The following FSTL1 variants were observed in gnomAD, a reference collection of about 807,000 sequenced individuals.
The protein encoded by FSTL1 is follistatin-related protein 1.
FSTL1 carries 24 observed loss-of-function variants against 45.9 expected under a neutral mutation model. The observed-to-expected ratio is 0.52, with a 90% CI of 0.38 to 0.74. The LOEUF is 0.74. Ranked by LOEUF, FSTL1 falls within the 30% of genes least tolerant of loss-of-function variation. FSTL1 has a pLI of 0.00. For missense variants in FSTL1, 340 were observed against 381.8 expected, an observed-to-expected ratio of 0.89 and a Z score of 0.91; for synonymous variants, 120 against 137.6, an observed-to-expected ratio of 0.87 and a Z score of 0.89.
At chr3:120,397,934 A>G (rs1936735160) in intron 10 of FSTL1, among the ~76,000 whole-genome samples, 1 of 152,240 alleles carries the variant, frequency 6.6e-6, no homozygotes, top group Admixed American at 6.5e-5. Flanking sequence ...CATAAATAGG[A>G]AAGAAGTACT....
chr3:120,450,915 T>C lies in FSTL1; in HGVS notation c.-19A>G, dbSNP rs1937885530. ...CGCTCACCGTGGTCTGGTCCAGGTC[T>C]CCTGGGGGCGCGGGGCAGGACGGCG... On this transcript the variant is annotated 5_prime_UTR_variant, in exon 1 of 11. Coordinates refer to ENST00000295633, the MANE Select transcript of FSTL1 (RefSeq NM_007085.5). The C allele has an allele frequency of 2.0e-6, 1 of 500,122 alleles. No individual in the cohort carries two copies. The highest frequency in any genetic ancestry group is 3.5e-6 in the Non-Finnish European group (1 of 285,620). 31.0% of individuals were successfully genotyped at this position (500,122 alleles called of 1,614,324 possible).
intron 2 of FSTL1, among the ~76,000 whole-genome samples, chr3:120,420,834 T>C (rs369450758): frequency 1.3e-4 from 20 of 152,342 alleles, no homozygotes; most frequent in African/African-American, 3.4e-4. Context: ...AGTTGTAGAA[T>C]TGAGGCCTGG....
At chr3:120,449,177 G>C (rs1291704747) in intron 2 of FSTL1, among the ~76,000 whole-genome samples, 2 of 152,230 alleles carry the variant, frequency 1.3e-5, no homozygotes, top group Middle Eastern at 3.2e-3. Context: ...TTCAGATCCT[G>C]CTTCAGAGCT....
intron 2 of FSTL1, among the ~76,000 whole-genome samples, chr3:120,417,544 G>C (rs1311935569): frequency 6.6e-6 from 1 of 152,212 alleles, no homozygotes; most frequent in Non-Finnish European, 1.5e-5. Context: ...AGGCGGGGAA[G>C]AAAGAGGAAG....
chr3:120,413,524 G>C (rs1430149268), intron 3 of FSTL1, among the ~76,000 whole-genome samples: 2 of 152,090 alleles, frequency 1.3e-5, no homozygotes, highest in Non-Finnish European at 2.9e-5. Flanking sequence ...ATCCCCAGTA[G>C]GATCTGGCTT....
At position 120,411,874 on chromosome 3, in the gene FSTL1, T is replaced by A. The variant is rs1937060764; in HGVS notation, c.278A>T (p.Asp93Val). 1 of 1,614,142 alleles carries A rather than the reference T, an allele frequency of 6.2e-7. No individual in the cohort carries two copies. The highest frequency in any genetic ancestry group is 8.5e-7 in the Non-Finnish European group (1 of 1,179,946). ...ACLTGSKIQVDYDGHCKEKKS... is the reference protein window; with the variant it reads ...ACLTGSKIQVVYDGHCKEKKS... ...CTTACCTTTGCAGTGTCCATCGTAA[T>A]CAACCTGGATTTTGGATCCAGTGAG... The change falls in exon 4 of 11, where the codon GAT (aspartate) becomes GTT (valine). Residue 93 changes from aspartate to valine, a missense_variant. Asp to Val is a radical substitution (Grantham distance 152). Transcript: ENST00000295633.
At chr3:120,442,882 C>T (rs577807826) in intron 2 of FSTL1, among the ~76,000 whole-genome samples, 5 of 136,690 alleles carry the variant, frequency 3.7e-5, no homozygotes, top group African/African-American at 1.5e-4. Context: ...AACAGCAGAC[C>T]CCCAGAACGG....
chr3:120,430,778 G>C (rs1396074184), intron 2 of FSTL1, among the ~76,000 whole-genome samples: 4 of 152,188 alleles, frequency 2.6e-5, no homozygotes, highest in Admixed American at 1.3e-4. Flanking sequence ...AGCACACTCT[G>C]TGTCTCTAAG....
Position 120,450,702 on chromosome 3 carries a change from G to T in FSTL1, c.45C>A (p.Val15=). The change falls in exon 2 of 11, where the codon GTC becomes GTA. Residue 15 remains valine, a synonymous_variant. Transcript: ENST00000295633. ...CGCCTACCTCGGCGCGGACCCAGGC[G>T]ACCGCCACCAGCGCGAGCGCGAGCG... is the stretch of plus-strand genomic sequence containing the variant. The part of the protein sequence containing the change: ...WLALALALVA[V]AWVRAEEELR... The T allele has an allele frequency of 7.3e-7, 1 of 1,363,554 alleles. No homozygotes were observed. Among genetic ancestry groups the T allele is most frequent in the South Asian group, 1.2e-5 (1 of 82,774 alleles). 84.5% of individuals were successfully genotyped at this position (1,363,554 alleles called of 1,614,324 possible).
intron 2 of FSTL1, among the ~76,000 whole-genome samples, chr3:120,426,982 A>C (rs548769559): frequency 6.6e-6 from 1 of 152,306 alleles, no homozygotes; most frequent in African/African-American, 2.4e-5. Context: ...AATTTAAAAA[A>C]AGGGTCTAGG....
intron 6 of FSTL1, among the ~76,000 whole-genome samples, chr3:120,405,625 T>A (rs1254771241): frequency 1.3e-5 from 2 of 152,216 alleles, no homozygotes; most frequent in East Asian, 3.9e-4. Context: ...CTCTGCCCTG[T>A]GGGCCCCACT....
At chr3:120,414,353 C>T (rs1475928995) in intron 3 of FSTL1, among the ~76,000 whole-genome samples, 60 of 149,946 alleles carry the variant, frequency 4.0e-4, no homozygotes, top group Middle Eastern at 7.0e-3. Flanking sequence ...TCTTCCCGGC[C>T]GCCATCACAT....
At chr3:120,415,862 C>T in intron 3 of FSTL1, 61 bp downstream of exon 3, 1 of 904,620 alleles carries the variant, frequency 1.1e-6, no homozygotes, top group Non-Finnish European at 1.8e-6. Context: ...TGATGGGTGG[C>T]TCCGCAAGGT....
chr3:120,436,803 C>T (rs1349735741), intron 2 of FSTL1, among the ~76,000 whole-genome samples: 1 of 152,160 alleles, frequency 6.6e-6, no homozygotes, highest in African/African-American at 2.4e-5. Context: ...AATTATAGCA[C>T]ATAGTGCAAA....
At position 120,444,263 on chromosome 3, in the gene FSTL1, C is replaced by A. The variant is rs575402302; in HGVS notation, c.63+6421G>T. Among the ~76,000 whole-genome samples, 32 of 149,856 alleles carry A rather than the reference C, an allele frequency of 2.1e-4. 1 individual carries two copies. The highest frequency in any genetic ancestry group is 3.7e-4 in the Non-Finnish European group (25 of 68,022). ...ATCTTAATTTTGGCTAAAGATGTGT[C>A]AATGTTTGTCAAATTGGACTGATTT... On this transcript the variant is annotated intron_variant, in intron 2 of 10. Coordinates refer to ENST00000295633, the MANE Select transcript of FSTL1 (RefSeq NM_007085.5).
chr3:120,412,917 A>G (rs1937101522), intron 3 of FSTL1, among the ~76,000 whole-genome samples: 1 of 151,674 alleles, frequency 6.6e-6, no homozygotes, highest in African/African-American at 2.4e-5. Flanking sequence ...CTCTTGCTGT[A>G]TATACTATTG....
chr3:120,427,501 G>A (rs1937402375), intron 2 of FSTL1, among the ~76,000 whole-genome samples: 1 of 152,170 alleles, frequency 6.6e-6, no homozygotes. Context: ...GGGACAGAGA[G>A]GAACAACACC....
In FSTL1 at chr3:120,395,395, G is replaced by A; in HGVS notation, c.*1557C>T. 6.0e-6 allele frequency: 2 copies of A among 333,482 alleles called. No individual in the cohort carries two copies. Among genetic ancestry groups the A allele is most frequent in the Non-Finnish European group, 1.1e-5 (2 of 174,158 alleles). 20.7% of individuals were successfully genotyped at this position (333,482 alleles called of 1,614,324 possible). A position where few individuals can be genotyped will look rare whatever the true frequency, so the allele number is the denominator to read the frequency against. ...AAATGACTGACCTCCCCAAGTCACAGTTTTAGGATTAAATCTCCATTTTCT... is the reference window on the plus strand; with the variant it reads ...AAATGACTGACCTCCCCAAGTCACAATTTTAGGATTAAATCTCCATTTTCT... On this transcript the variant is annotated 3_prime_UTR_variant, in exon 11 of 11. Coordinates refer to ENST00000295633, the MANE Select transcript of FSTL1 (RefSeq NM_007085.5).
At chr3:120,418,966 A>G (rs1937233730) in intron 2 of FSTL1, 2 of 152,246 alleles carry the variant, frequency 1.3e-5, no homozygotes, top group Non-Finnish European at 2.9e-5. Context: ...GTGATAATAG[A>G]GAACAGAAGG....
Sources: gnomAD v4.1 joint callset for allele counts (sites outside exome capture counted in the v4.1 genomes callset) on GRCh38, gnomAD v4.1.1 for gene constraint, MANE v1.5 for transcripts, NCBI Gene and HGNC (gene_info 2026-07-23, HGNC 2026-07-21) for gene names.